The following STK32A variants were observed in gnomAD, a reference collection of about 807,000 sequenced individuals.
STK32A encodes the protein serine/threonine-protein kinase 32A.
Under a neutral mutation model 53.2 loss-of-function variants are expected in STK32A, and 41 were observed. The observed-to-expected ratio is 0.77, with a 90% CI of 0.60 to 1.00. STK32A has a LOEUF of 1.00. STK32A is among the 50% of genes least tolerant of loss of function. STK32A has a pLI of 0.00. For synonymous variants in STK32A, 166 were observed against 162.8 expected (o/e 1.02, Z -0.15); for missense variants, 458 against 485.8 (o/e 0.94, Z 0.54).
At chr5:147,245,109 G>A (rs1040663682) in intron 2 of STK32A, among the ~76,000 whole-genome samples, 1 of 152,294 alleles carries the variant, frequency 6.6e-6, no homozygotes, top group South Asian at 2.1e-4. Context: ...GTTATTGACT[G>A]CACAAAAACA....
At chr5:147,382,044 CCATCCTGAGGCA>C (rs1173435119) in intron 11 of STK32A, among the ~76,000 whole-genome samples, 2 of 143,274 alleles carry the variant, frequency 1.4e-5, no homozygotes, top group Admixed American at 1.5e-4. Flanking sequence ...ACATTCAAAG[CCATCCTGAGGCA>C]CATGTGGCCC....
At chr5:147,296,646 C>T (rs142304758) in intron 4 of STK32A, among the ~76,000 whole-genome samples, 2 of 152,236 alleles carry the variant, frequency 1.3e-5, no homozygotes, top group African/African-American at 4.8e-5. Context: ...TATCAGGAAC[C>T]TACTGATCAT....
At chr5:147,284,254 C>T (rs1427131977) in intron 4 of STK32A, among the ~76,000 whole-genome samples, 1 of 152,014 alleles carries the variant, frequency 6.6e-6, no homozygotes, top group Non-Finnish European at 1.5e-5. Context: ...GCAAAATCAG[C>T]ATACAAGGGA....
intron 2 of STK32A, among the ~76,000 whole-genome samples, chr5:147,260,236 CTCTG>C (rs1307510201): frequency 4.1e-5 from 5 of 122,112 alleles, no homozygotes; most frequent in Non-Finnish European, 6.9e-5. Context: ...TCCTCTCTGT[CTCTG>C]TCTCTCTCTC....
intron 6 of STK32A, among the ~76,000 whole-genome samples, chr5:147,343,757 A>G (rs1405286707): frequency 1.3e-5 from 2 of 152,224 alleles, no homozygotes; most frequent in Non-Finnish European, 1.5e-5. Context: ...ACTAGTATGT[A>G]CCAATGTATC....
intron 7 of STK32A, among the ~76,000 whole-genome samples, chr5:147,351,471 C>T (rs776214405): frequency 3.9e-5 from 6 of 151,994 alleles, no homozygotes; most frequent in Non-Finnish European, 7.4e-5. Flanking sequence ...TTTCAGATGC[C>T]GGTGACCCTG....
intron 4 of STK32A, among the ~76,000 whole-genome samples, chr5:147,282,397 A>G (rs1349544004): frequency 6.6e-6 from 1 of 152,136 alleles, no homozygotes; most frequent in Non-Finnish European, 1.5e-5. Flanking sequence ...CCCAAAGTAC[A>G]CAGGCAACAA....
intron 5 of STK32A, among the ~76,000 whole-genome samples, chr5:147,337,288 AC>A (rs1422193139): frequency 6.6e-6 from 1 of 151,996 alleles, no homozygotes; most frequent in African/African-American, 2.4e-5. Context: ...TCCCTTTATC[AC>A]CCCCAAAATT....
At position 147,315,049 on chromosome 5, in the gene STK32A, C is replaced by G. The variant is rs1044107373; in HGVS notation, c.261-8849C>G. The stretch of plus-strand genomic sequence containing the variant: ...TGTGAGCCACCACACTGGGCCAGTA[C>G]TATTCTTTAAAAAATGGGAAATAAC... On this transcript the variant is annotated intron_variant, in intron 4 of 12. Coordinates refer to ENST00000397936, the MANE Select transcript of STK32A (RefSeq NM_001112724.2). Among the ~76,000 whole-genome samples the G allele has an allele frequency of 2.6e-5, 4 of 152,158 alleles. No homozygotes were observed. The South Asian group carries it at 6.2e-4, about 24-fold the overall frequency.
intron 10 of STK32A, among the ~76,000 whole-genome samples, chr5:147,374,216 AGTTTGAGGCT>A (rs144834932): frequency 0.027 from 4,076 of 151,418 alleles, 182 homozygotes; most frequent in East Asian, 0.2. Context: ...TAAGCCCAGG[AGTTTGAGGCT>A]GCATGAGCAG....
chr5:147,379,940 T>A (rs1457559028), intron 11 of STK32A, among the ~76,000 whole-genome samples: 1 of 152,172 alleles, frequency 6.6e-6, no homozygotes, highest in Non-Finnish European at 1.5e-5. Flanking sequence ...TTATGGCTAC[T>A]CCTGTTGATG....
chr5:147,235,627 C>T (rs1488167495), intron 1 of STK32A, among the ~76,000 whole-genome samples: 1 of 152,342 alleles, frequency 6.6e-6, no homozygotes, highest in South Asian at 2.1e-4. Context: ...TAGGGATCAG[C>T]ATGCCTGTAC....
At chr5:147,289,164 T>TG (rs1752484204) in intron 4 of STK32A, among the ~76,000 whole-genome samples, 1 of 151,954 alleles carries the variant, frequency 6.6e-6, no homozygotes, top group African/African-American at 2.4e-5. Flanking sequence ...GCTTGTTTTG[T>TG]TTTGTTTTCT....
intron 4 of STK32A, among the ~76,000 whole-genome samples, chr5:147,284,408 G>A (rs1752219095): frequency 6.6e-6 from 1 of 152,048 alleles, no homozygotes; most frequent in African/African-American, 2.4e-5. Context: ...GTCCTAGCCA[G>A]AGCAATAAGA....
chr5:147,372,860 C>A (rs1242908748), intron 9 of STK32A, among the ~76,000 whole-genome samples: 1 of 152,070 alleles, frequency 6.6e-6, no homozygotes, highest in Non-Finnish European at 1.5e-5. Flanking sequence ...TACATTATTA[C>A]CACTTTTTTT....
intron 7 of STK32A, among the ~76,000 whole-genome samples, chr5:147,352,595 C>T (rs553615018): frequency 6.6e-6 from 1 of 152,320 alleles, no homozygotes; most frequent in Admixed American, 6.5e-5. Flanking sequence ...TCCCTTTTCC[C>T]TGTGGTTGCT....
chr5:147,392,514 A>G (rs1452090392), downstream of STK32A: 3 of 152,262 alleles, frequency 2.0e-5, no homozygotes, highest in Admixed American at 6.5e-5. Context: ...TGGATTCCCC[A>G]GAGCATGGAA....
At chr5:147,359,501 A>C (rs1186111349) in intron 7 of STK32A, among the ~76,000 whole-genome samples, 1 of 152,254 alleles carries the variant, frequency 6.6e-6, no homozygotes, top group Non-Finnish European at 1.5e-5. Context: ...TGACAGATAC[A>C]TAACTTGTAT....
At chr5:147,300,022 A>G (rs1041461273) in intron 4 of STK32A, among the ~76,000 whole-genome samples, 1 of 152,086 alleles carries the variant, frequency 6.6e-6, no homozygotes, top group Admixed American at 6.6e-5. Flanking sequence ...GCTTTCCTGG[A>G]AGCAGCCTCC....
Sources: gnomAD v4.1 joint callset for allele counts (sites outside exome capture counted in the v4.1 genomes callset) on GRCh38, gnomAD v4.1.1 for gene constraint, MANE v1.5 for transcripts, NCBI Gene and HGNC (gene_info 2026-07-23, HGNC 2026-07-21) for gene names.